Variants in IRGM observed in about 807,000 individuals in gnomAD.
IRGM encodes immunity related GTPase M, also known as immunity-related GTPase family M protein.
For missense variants in IRGM, 288 were observed against 219.9 expected (o/e 1.31, Z -1.96); for synonymous variants, 98 against 80.6 (o/e 1.22, Z -1.16).
chr5:150,897,929 G>A (rs1754851429), intron 3 of IRGM: 3 of 1,020,398 alleles, frequency 2.9e-6, no homozygotes, highest in South Asian at 1.7e-5. Context: ...CCTCTGAAAG[G>A]CTTCACAATT....
At chr5:150,901,440 A>C (rs1754992340), downstream of IRGM, among the ~76,000 whole-genome samples, 1 of 152,062 alleles carries the variant, frequency 6.6e-6, no homozygotes, top group Non-Finnish European at 1.5e-5. Context: ...AGACTAGCCA[A>C]TTTCAAGTGT....
At chr5:150,872,088 T>C (rs1051496160) in intron 1 of IRGM, among the ~76,000 whole-genome samples, 3 of 152,228 alleles carry the variant, frequency 2.0e-5, no homozygotes, top group African/African-American at 7.2e-5. Context: ...TTAATATGCA[T>C]ATTTAATGCT....
At chr5:150,856,297 G>T (rs918983878) in intron 1 of IRGM, among the ~76,000 whole-genome samples, 1 of 152,056 alleles carries the variant, frequency 6.6e-6, no homozygotes, top group Non-Finnish European at 1.5e-5. Flanking sequence ...CAGGCATGGT[G>T]GTGTGCACCT....
At chr5:150,850,393 G>GA (rs1235434346), downstream of IRGM, among the ~76,000 whole-genome samples, 1 of 152,036 alleles carries the variant, frequency 6.6e-6, no homozygotes, top group Non-Finnish European at 1.5e-5. Flanking sequence ...ACATGTTAAA[G>GA]AAAAAATAGG....
intron 3 of IRGM, among the ~76,000 whole-genome samples, chr5:150,880,662 T>C (rs1350622659): frequency 6.6e-6 from 1 of 152,186 alleles, no homozygotes; most frequent in Non-Finnish European, 1.5e-5. Context: ...TATACCTTCT[T>C]GCTATCATAT....
rs944754177 is a variant in IRGM, at chr5:150,848,517, A to G, written c.394A>G (p.Lys132Glu). ...QFSMNHVMLA[K>E]TAEDMGKKFY... is the part of the protein sequence containing the mutation. ...CAGCATGAATCATGTGATGCTTGCC[A>G]AAACCGCTGAGGACATGGGAAAGAA... is the stretch of plus-strand genomic sequence containing the variant. Residue 132 changes from lysine to glutamate, a missense_variant, in exon 2 of 2, where the codon AAA becomes GAA. Transcript: ENST00000522154. 38 of 1,551,746 alleles carry G rather than the reference A, an allele frequency of 2.4e-5. No homozygotes were observed. The highest frequency in any genetic ancestry group is 3.1e-5 in the Non-Finnish European group (36 of 1,146,992).
chr5:150,875,322 A>G (rs1203777643), intron 1 of IRGM, among the ~76,000 whole-genome samples: 1 of 152,220 alleles, frequency 6.6e-6, no homozygotes, highest in Non-Finnish European at 1.5e-5. Flanking sequence ...CAGTGGGCAG[A>G]ACTTTGAGCA....
intron 3 of IRGM, among the ~76,000 whole-genome samples, chr5:150,890,198 T>C (rs181704639): frequency 2.5e-4 from 38 of 152,164 alleles, no homozygotes; most frequent in Non-Finnish European, 5.3e-4. Context: ...AAAATTGATA[T>C]AGGACTATTT....
At chr5:150,901,701 T>G (rs559868411), downstream of IRGM, among the ~76,000 whole-genome samples, 1 of 152,102 alleles carries the variant, frequency 6.6e-6, no homozygotes, top group East Asian at 1.9e-4. Flanking sequence ...CCAGTTATGG[T>G]TTTAAGCATG....
intron 1 of IRGM, among the ~76,000 whole-genome samples, chr5:150,871,383 C>G (rs1366288288): frequency 6.6e-6 from 1 of 152,170 alleles, no homozygotes; most frequent in East Asian, 1.9e-4. Context: ...ATTTAAAAGG[C>G]CTTTATATTT....
At chr5:150,869,724 C>G (rs1472968411) in intron 1 of IRGM, among the ~76,000 whole-genome samples, 4 of 151,972 alleles carry the variant, frequency 2.6e-5, no homozygotes, top group Non-Finnish European at 5.9e-5. Flanking sequence ...ATGTTAATAA[C>G]TTCTCTTTTT....
intron 3 of IRGM, among the ~76,000 whole-genome samples, chr5:150,899,634 T>C (rs1754924009): frequency 6.6e-6 from 1 of 152,028 alleles, no homozygotes; most frequent in Non-Finnish European, 1.5e-5. Context: ...AACAAAAATG[T>C]ACAGAAAACA....
intron 1 of IRGM, among the ~76,000 whole-genome samples, chr5:150,856,881 A>G (rs923967183): frequency 4.8e-5 from 7 of 145,338 alleles, no homozygotes; most frequent in African/African-American, 1.8e-4. Context: ...ATTAATTAAT[A>G]TTATTAATTA....
At chr5:150,849,605 CTTTTTTTTT>C (rs922246775), downstream of IRGM, among the ~76,000 whole-genome samples, 239 of 128,410 alleles carry the variant, frequency 1.9e-3, no homozygotes, top group Non-Finnish European at 2.2e-3. Flanking sequence ...CTTTTTCTCT[CTTTTTTTTT>C]TTTTTTTTTT....
intron 1 of IRGM, among the ~76,000 whole-genome samples, chr5:150,866,281 T>C (rs975463408): frequency 6.6e-6 from 1 of 152,174 alleles, no homozygotes; most frequent in Admixed American, 6.5e-5. Context: ...GAAAGAATGA[T>C]GCCTGCCAAC....
At chr5:150,886,207 A>G (rs1024365306) in intron 3 of IRGM, among the ~76,000 whole-genome samples, 4 of 152,026 alleles carry the variant, frequency 2.6e-5, no homozygotes, top group African/African-American at 9.7e-5. Context: ...AATCACATTT[A>G]TTTATTTTCT....
chr5:150,855,955 A>G (rs991529426), intron 1 of IRGM, among the ~76,000 whole-genome samples: 1 of 152,190 alleles, frequency 6.6e-6, no homozygotes, highest in South Asian at 2.1e-4. Flanking sequence ...ATTAGGAGAC[A>G]CTCAATTTTT....
At chr5:150,850,187 A>T (rs1188504836), downstream of IRGM, among the ~76,000 whole-genome samples, 1 of 152,166 alleles carries the variant, frequency 6.6e-6, no homozygotes, top group Admixed American at 6.5e-5. Flanking sequence ...TTCATTTTTT[A>T]AAAAATGTCT....
At chr5:150,895,917 T>C (rs1305251327) in intron 3 of IRGM, 2 of 1,613,552 alleles carry the variant, frequency 1.2e-6, no homozygotes, top group Middle Eastern at 1.7e-4. Flanking sequence ...TTCCTCACAT[T>C]GAGCACATTT....
Sources: gnomAD v4.1 joint callset for allele counts (sites outside exome capture counted in the v4.1 genomes callset) on GRCh38, gnomAD v4.1.1 for gene constraint, MANE v1.5 for transcripts, NCBI Gene and HGNC (gene_info 2026-07-23, HGNC 2026-07-21) for gene names.